Variants in ZBTB8A observed in about 807,000 individuals in gnomAD.
The protein encoded by ZBTB8A is zinc finger and BTB domain containing 8A.
ZBTB8A carries 19 observed loss-of-function variants against 37.8 expected under a neutral mutation model. The observed-to-expected ratio is 0.50, with a 90% CI of 0.35 to 0.74. The LOEUF is 0.74. Among genes scored for constraint, ZBTB8A ranks in the 30% least tolerant of loss-of-function variants. ZBTB8A has a pLI of 0.01. For missense variants in ZBTB8A, 394 were observed against 537.8 expected (o/e 0.73, Z 2.65); for synonymous variants, 181 against 185.2 (o/e 0.98, Z 0.19).
intron 2 of ZBTB8A, among the ~76,000 whole-genome samples, chr1:32,559,027 C>T (rs905667018): frequency 1.3e-5 from 2 of 152,152 alleles, no homozygotes; most frequent in Non-Finnish European, 2.9e-5. Flanking sequence ...TTTAGATTCA[C>T]TTTGATGGCA....
intron 1 of ZBTB8A, among the ~76,000 whole-genome samples, chr1:32,551,171 C>T (rs1202911559): frequency 6.6e-6 from 1 of 152,098 alleles, no homozygotes. Context: ...TTGGGCCAGG[C>T]ACAGTGGCTC....
intron 1 of ZBTB8A, among the ~76,000 whole-genome samples, chr1:32,548,137 TAAA>T (rs770998213): frequency 7.6e-5 from 5 of 65,760 alleles, no homozygotes; most frequent in Admixed American, 2.0e-4. Flanking sequence ...CGTCTCAAAT[TAAA>T]AAAAAAAAAA....
chr1:32,579,862 T>A (rs1203250914), intron 2 of ZBTB8A, among the ~76,000 whole-genome samples: 2 of 152,146 alleles, frequency 1.3e-5, no homozygotes, highest in African/African-American at 4.8e-5. Flanking sequence ...GTGAAAAGAA[T>A]TTTACTTTTA....
intron 1 of ZBTB8A, among the ~76,000 whole-genome samples, chr1:32,546,030 T>C (rs1408591695): frequency 2.6e-5 from 4 of 152,194 alleles, no homozygotes; most frequent in African/African-American, 9.6e-5. Context: ...CCTTTGACAT[T>C]TCATCACCTC....
rs758969420 is a variant in ZBTB8A at position 32,595,087 on chromosome 1, A to C, written c.857A>C (p.Tyr286Ser). 8 of 1,614,220 alleles carry C rather than the reference A, an allele frequency of 5.0e-6. No homozygotes were observed. The highest frequency in any genetic ancestry group is 6.8e-6 in the Non-Finnish European group (8 of 1,180,036). The stretch of plus-strand genomic sequence containing the variant: ...CCTCGGATGCGATTCAAGTGCCCGT[A>C]CTGCACACATGTGGTGAAGCGGAAG... ...DLPRMRFKCP[Y>S]CTHVVKRKAD... Residue 286 changes from tyrosine to serine, a missense_variant, in exon 4 of 5, where the codon TAC (tyrosine) becomes TCC (serine). Tyr to Ser is a moderately radical substitution (Grantham distance 144). This residue lies in a region of ZBTB8A where 171 missense variants were observed against 186.8 expected (regional missense o/e 0.92). Transcript: ENST00000373510.
intron 1 of ZBTB8A, among the ~76,000 whole-genome samples, chr1:32,545,088 A>G (rs960803198): frequency 2.0e-5 from 3 of 152,234 alleles, no homozygotes; most frequent in African/African-American, 4.8e-5. Flanking sequence ...ACTGTTTTCC[A>G]AAGTCGCTGT....
intron 1 of ZBTB8A, among the ~76,000 whole-genome samples, chr1:32,539,963 G>T (rs1035552727): frequency 2.0e-5 from 3 of 151,360 alleles, no homozygotes; most frequent in African/African-American, 4.8e-5. Context: ...CGCCGCGGGG[G>T]CGCGCGGGGA....
intron 4 of ZBTB8A, 93 bp downstream of exon 4, chr1:32,595,316 G>T: frequency 7.9e-7 from 1 of 1,269,296 alleles, no homozygotes; most frequent in Middle Eastern, 2.6e-4. Context: ...TTGCCAGGCT[G>T]GAGTACAATG....
In ZBTB8A at chr1:32,593,759, C is replaced by T; in HGVS notation, c.823+5C>T. 2 of 1,599,292 alleles carry T rather than the reference C, an allele frequency of 1.3e-6. No homozygotes were observed. The highest frequency in any genetic ancestry group is 1.7e-6 in the Non-Finnish European group (2 of 1,173,182). Reference sequence around the variant, plus strand: ...TCACATCCAAAAGCTTTCCAGGTACCCAAAAAGAGCATAAGTCCCCTCATC... The same window carrying T: ...TCACATCCAAAAGCTTTCCAGGTACTCAAAAAGAGCATAAGTCCCCTCATC... On this transcript the variant is annotated splice_donor_5th_base_variant and intron_variant, in intron 3 of 4. Coordinates refer to ENST00000373510, the MANE Select transcript of ZBTB8A (RefSeq NM_001040441.3).
chr1:32,539,969 G>T (rs1359973098), intron 1 of ZBTB8A, among the ~76,000 whole-genome samples: 12 of 151,422 alleles, frequency 7.9e-5, no homozygotes, highest in Non-Finnish European at 1.6e-4. Flanking sequence ...GGGGGCGCGC[G>T]GGGAGGGCAG....
rs530395572 is a variant in ZBTB8A, at chr1:32,567,031, C to A, written c.-2+13491C>A. 1.6e-4 allele frequency among the ~76,000 whole-genome samples: 25 copies of A among 152,266 alleles called. No homozygotes were observed. In the East Asian group the frequency reaches 4.6e-3, roughly 28 times the overall value. On this transcript the variant is annotated intron_variant, in intron 2 of 4. Coordinates refer to ENST00000373510, the MANE Select transcript of ZBTB8A (RefSeq NM_001040441.3). ...AAGGGATTGTATTAGTCCATTCTCG[C>A]ATTGCTATAAAGAACTCCCTAAGAC...
At chr1:32,567,038 A>G (rs1341775417) in intron 2 of ZBTB8A, among the ~76,000 whole-genome samples, 1 of 152,170 alleles carries the variant, frequency 6.6e-6, no homozygotes, top group Non-Finnish European at 1.5e-5. Flanking sequence ...TCGCATTGCT[A>G]TAAAGAACTC....
chr1:32,575,336 C>T (rs1261460628), intron 2 of ZBTB8A, among the ~76,000 whole-genome samples: 4 of 148,530 alleles, frequency 2.7e-5, no homozygotes, highest in Non-Finnish European at 5.9e-5. Flanking sequence ...AAGCGATTCT[C>T]CTGCTCCAGC....
chr1:32,554,460 T>TTTTATTTATTTA (rs140709969), intron 2 of ZBTB8A, among the ~76,000 whole-genome samples: 11 of 134,926 alleles, frequency 8.2e-5, no homozygotes, highest in Admixed American at 3.1e-4. Context: ...CATTTTAATC[T>TTTTATTTATTTA]TTTATTTATT....
In ZBTB8A at chr1:32,600,549, T is replaced by C; in HGVS notation, c.*130T>C. ...CTTTAAAGAAATGATCTGATATAACTTGCATGCTTTCTGAACAGGCCATTG... is the reference window on the plus strand; with the variant it reads ...CTTTAAAGAAATGATCTGATATAACCTGCATGCTTTCTGAACAGGCCATTG... On this transcript the variant is annotated 3_prime_UTR_variant, in exon 5 of 5. Coordinates refer to ENST00000373510, the MANE Select transcript of ZBTB8A (RefSeq NM_001040441.3). 1 of 710,806 alleles carries C rather than the reference T, an allele frequency of 1.4e-6. No homozygotes were observed. The highest frequency in any genetic ancestry group is 2.3e-6 in the Non-Finnish European group (1 of 434,282). 44.0% of individuals were successfully genotyped at this position (710,806 alleles called of 1,614,324 possible).
intron 2 of ZBTB8A, among the ~76,000 whole-genome samples, chr1:32,582,273 C>T (rs1042834185): frequency 1.3e-5 from 2 of 151,934 alleles, no homozygotes; most frequent in African/African-American, 2.4e-5. Flanking sequence ...GGATGCTGAA[C>T]CTAAGTATAA....
rs1042192917 is a variant in ZBTB8A at position 32,591,837 on chromosome 1, TTTTG to T, written c.-1-1074_-1-1071del. Among the ~76,000 whole-genome samples the T allele has an allele frequency of 1.7e-3, 263 of 152,120 alleles. 1 individual carries two copies. Among genetic ancestry groups the T allele is most frequent in the African/African-American group, 5.6e-3 (231 of 41,512 alleles). On this transcript the variant is annotated intron_variant, in intron 2 of 4. Coordinates refer to ENST00000373510, the MANE Select transcript of ZBTB8A (RefSeq NM_001040441.3). ...ATAACGGTCTAGTTGTTTTTTTGTT[TTTTG>T]TTTGTTTGTTTGTTTGTTTTTTCAG...
chr1:32,596,140 C>T (rs1202259776), intron 4 of ZBTB8A, among the ~76,000 whole-genome samples: 1 of 151,974 alleles, frequency 6.6e-6, no homozygotes, highest in Non-Finnish European at 1.5e-5. Context: ...GAGGCCGAGG[C>T]AGGCGGATCA....
chr1:32,546,467 TA>T (rs1644105151), intron 1 of ZBTB8A, among the ~76,000 whole-genome samples: 1 of 147,028 alleles, frequency 6.8e-6, no homozygotes, highest in African/African-American at 2.5e-5. Context: ...AATAAATAAA[TA>T]AAAGATTTTT....
Sources: allele counts gnomAD v4.1 joint callset (sites outside exome capture counted in the v4.1 genomes callset), GRCh38; gene constraint gnomAD v4.1.1; regional missense constraint gnomAD v4.1.1; transcripts MANE v1.5; gene names NCBI Gene and HGNC (gene_info 2026-07-23, HGNC 2026-07-21).